The following APBA2 variants were observed in gnomAD, a reference collection of about 807,000 sequenced individuals.
The protein encoded by APBA2 is amyloid beta precursor protein binding family A member 2.
APBA2 carries 30 observed loss-of-function variants against 75.0 expected under a neutral mutation model. The ratio of observed to expected loss-of-function variants is 0.40; its 90% CI spans 0.30 to 0.54. The LOEUF (loss-of-function observed/expected upper bound fraction) is 0.54, where lower values mean the gene tolerates loss of function less well. APBA2 is among the 20% of genes least tolerant of loss of function. The probability of loss-of-function intolerance (pLI) is 0.49; values close to 1 mark genes in which losing one functional copy is unlikely to be tolerated. For synonymous variants in APBA2, 444 were observed against 409.6 expected, an observed-to-expected ratio of 1.08 and a Z score of -1.01; for missense variants, 801 against 1,016.1, an observed-to-expected ratio of 0.79 and a Z score of 2.88.
intron 3 of APBA2, among the ~76,000 whole-genome samples, chr15:29,014,588 A>G (rs1216840219): frequency 6.6e-6 from 1 of 152,218 alleles, no homozygotes; most frequent in African/African-American, 2.4e-5. Context: ...TGGGCAGTGC[A>G]GATAGAACAC....
chr15:29,035,434 G>T (rs978740941), intron 3 of APBA2, among the ~76,000 whole-genome samples: 1 of 152,116 alleles, frequency 6.6e-6, no homozygotes, highest in African/African-American at 2.4e-5. Context: ...CTGGGACCCT[G>T]CTCAGGCCAG....
At chr15:29,056,086 C>T (rs1224566700) in intron 4 of APBA2, among the ~76,000 whole-genome samples, 5 of 152,310 alleles carry the variant, frequency 3.3e-5, no homozygotes, top group Non-Finnish European at 7.3e-5. Flanking sequence ...CTGTGCAGAG[C>T]GTGTGACATG....
chr15:29,048,398 C>T (rs563850690), intron 3 of APBA2, among the ~76,000 whole-genome samples: 1 of 152,250 alleles, frequency 6.6e-6, no homozygotes, highest in East Asian at 1.9e-4. Context: ...GTTACTCCAG[C>T]CAAAATTTCA....
intron 1 of APBA2, among the ~76,000 whole-genome samples, chr15:28,896,017 G>T (rs2032461085): frequency 6.6e-6 from 1 of 152,160 alleles, no homozygotes; most frequent in African/African-American, 2.4e-5. Context: ...GGAGGCTGAG[G>T]TGGGAGGATC....
intron 4 of APBA2, among the ~76,000 whole-genome samples, chr15:29,067,833 T>G (rs2042443717): frequency 6.6e-6 from 1 of 152,216 alleles, no homozygotes; most frequent in Admixed American, 6.5e-5. Context: ...TGTAGGGCTT[T>G]GTTTTAATGT....
chr15:29,016,685 C>T (rs991517762), intron 3 of APBA2, among the ~76,000 whole-genome samples: 4 of 152,138 alleles, frequency 2.6e-5, no homozygotes, highest in Non-Finnish European at 4.4e-5. Context: ...GTGAGCCTGG[C>T]GGGGAAAGAG....
chr15:28,948,497 G>A (rs1329867134), intron 2 of APBA2, among the ~76,000 whole-genome samples: 2 of 152,158 alleles, frequency 1.3e-5, no homozygotes, highest in Non-Finnish European at 2.9e-5. Flanking sequence ...AGTTTGGTAG[G>A]TGATGGGGAC....
At chr15:28,907,249 C>G (rs2033177222) in intron 1 of APBA2, among the ~76,000 whole-genome samples, 1 of 152,186 alleles carries the variant, frequency 6.6e-6, no homozygotes, top group Admixed American at 6.5e-5. Flanking sequence ...ACTTTGACCT[C>G]TCTCTTTTGG....
chr15:29,115,829 C>G (rs892638015), intron 14 of APBA2, among the ~76,000 whole-genome samples: 37 of 152,204 alleles, frequency 2.4e-4, no homozygotes, highest in African/African-American at 8.9e-4. Flanking sequence ...CGCTCAGAAG[C>G]AGAGCTGCGC....
At chr15:28,965,091 T>C (rs543073692) in intron 2 of APBA2, among the ~76,000 whole-genome samples, 25 of 152,214 alleles carry the variant, frequency 1.6e-4, no homozygotes, top group Non-Finnish European at 1.5e-4. Flanking sequence ...TTTTTCTACA[T>C]GTCTTATAGT....
intron 9 of APBA2, among the ~76,000 whole-genome samples, chr15:29,100,590 C>T (rs1030808669): frequency 8.5e-5 from 13 of 152,192 alleles, no homozygotes; most frequent in Non-Finnish European, 1.8e-4. Context: ...TGCCAGAGGC[C>T]GAGGGAATTG....
intron 3 of APBA2, among the ~76,000 whole-genome samples, chr15:29,042,651 C>T (rs988277437): frequency 3.3e-5 from 5 of 151,664 alleles, no homozygotes; most frequent in African/African-American, 1.2e-4. Context: ...TCAGCCATAA[C>T]ACGGATGTGG....
intron 2 of APBA2, among the ~76,000 whole-genome samples, chr15:28,942,422 G>A (rs1324996217): frequency 6.7e-6 from 1 of 148,152 alleles, no homozygotes; most frequent in African/African-American, 2.6e-5. Flanking sequence ...TTCCCATAAG[G>A]AACTGTGTTG....
chr15:29,111,893 G>C (rs1176347990), intron 13 of APBA2, among the ~76,000 whole-genome samples: 1 of 152,156 alleles, frequency 6.6e-6, no homozygotes, highest in African/African-American at 2.4e-5. Context: ...GAGGGTGCTG[G>C]CTACTCTGGT....
chr15:28,939,262 G>C (rs147324098), intron 2 of APBA2, among the ~76,000 whole-genome samples: 1 of 152,312 alleles, frequency 6.6e-6, no homozygotes, highest in East Asian at 1.9e-4. Context: ...TTCTTCTGCT[G>C]CTGGACACGT....
intron 1 of APBA2, among the ~76,000 whole-genome samples, chr15:28,893,613 G>T (rs1384197397): frequency 2.0e-5 from 3 of 152,168 alleles, no homozygotes. Flanking sequence ...TGCATGTATT[G>T]TGAAGATTCT....
chr15:29,089,463 T>C (rs1371911737), intron 6 of APBA2, among the ~76,000 whole-genome samples: 1 of 152,122 alleles, frequency 6.6e-6, no homozygotes, highest in African/African-American at 2.4e-5. Context: ...ACACCTGTGC[T>C]CCAGCTCCAC....
intron 2 of APBA2, among the ~76,000 whole-genome samples, chr15:28,933,897 G>A (rs66597518): frequency 0.15 from 22,502 of 152,224 alleles, 2,076 homozygotes; most frequent in African/African-American, 0.26. Flanking sequence ...GCGGAGCAGA[G>A]GGCCTGGGGA....
At chr15:28,968,706 C>T (rs1019730612) in intron 2 of APBA2, among the ~76,000 whole-genome samples, 1 of 152,164 alleles carries the variant, frequency 6.6e-6, no homozygotes, top group Admixed American at 6.5e-5. Flanking sequence ...AGAACCTGCC[C>T]TTATTTGGAG....
Sources: allele counts gnomAD v4.1 joint callset (sites outside exome capture counted in the v4.1 genomes callset), GRCh38; gene constraint gnomAD v4.1.1; transcripts MANE v1.5; gene names NCBI Gene and HGNC (gene_info 2026-07-23, HGNC 2026-07-21).